PDE1C: variants seen among roughly 807,000 people sequenced by gnomAD.
PDE1C encodes the protein phosphodiesterase 1C.
Under a neutral mutation model 93.1 loss-of-function variants are expected in PDE1C, and 62 were observed. The observed-to-expected ratio is 0.67, with a 90% CI of 0.54 to 0.82. The LOEUF (loss-of-function observed/expected upper bound fraction) is 0.82, where lower values mean the gene tolerates loss of function less well. Among genes scored for constraint, PDE1C ranks in the 40% least tolerant of loss-of-function variants. PDE1C has a pLI of 0.00. For synonymous variants in PDE1C, 325 were observed against 310.1 expected, an observed-to-expected ratio of 1.05 and a Z score of -0.50; for missense variants, 742 against 884.6, an observed-to-expected ratio of 0.84 and a Z score of 2.04.
chr7:32,304,968 G>A (rs1812963103), intron 1 of PDE1C, among the ~76,000 whole-genome samples: 1 of 152,000 alleles, frequency 6.6e-6, no homozygotes, highest in Non-Finnish European at 1.5e-5. Context: ...CCATAATCAG[G>A]GGCAAGAGGA....
intron 2 of PDE1C, among the ~76,000 whole-genome samples, chr7:31,911,705 C>T (rs1801270532): frequency 6.6e-6 from 1 of 152,128 alleles, no homozygotes; most frequent in Admixed American, 6.6e-5. Context: ...ACTGTCACCA[C>T]CATCCTATGA....
Position 31,996,066 on chromosome 7 carries a change from G to GACACAC in PDE1C, c.128+55482_128+55487dup, listed in dbSNP as rs3078631. Reference sequence around the variant, plus strand: ...AACCATCTGTCTCTTTACGCTTCCGGACACACACACACACACACACACACA... The same window carrying GACACAC: ...AACCATCTGTCTCTTTACGCTTCCGGACACACACACACACACACACACACACACACA... On this transcript the variant is annotated intron_variant, in intron 2 of 17. Transcript: ENST00000396191. 6.6e-3 allele frequency among the ~76,000 whole-genome samples: 920 copies of GACACAC among 138,618 alleles called. 5 individuals are homozygous for GACACAC. Among genetic ancestry groups the GACACAC allele is most frequent in the Admixed American group, 0.012 (162 of 13,818 alleles). The allele number at this position is 138,618 out of a possible 152,430, so 90.9% of individuals were successfully genotyped here.
At chr7:31,999,287 T>C (rs1263813655) in intron 2 of PDE1C, among the ~76,000 whole-genome samples, 3 of 152,164 alleles carry the variant, frequency 2.0e-5, no homozygotes. Flanking sequence ...AGAATCAAAA[T>C]GCAGATACAT....
intron 3 of PDE1C, among the ~76,000 whole-genome samples, chr7:32,158,860 C>G (rs755062363): frequency 5.9e-5 from 9 of 152,206 alleles, no homozygotes; most frequent in Admixed American, 5.2e-4. Context: ...AAACAAGGCC[C>G]TACATTACAT....
intron 2 of PDE1C, among the ~76,000 whole-genome samples, chr7:31,908,731 T>A (rs1163311967): frequency 6.6e-6 from 1 of 152,188 alleles, no homozygotes; most frequent in Non-Finnish European, 1.5e-5. Flanking sequence ...GGCACTCGAC[T>A]CAAACATTGC....
intron 15 of PDE1C, among the ~76,000 whole-genome samples, chr7:31,814,908 G>A (rs1027705404): frequency 6.6e-6 from 1 of 151,894 alleles, no homozygotes; most frequent in East Asian, 1.9e-4. Context: ...TCTGTTGACT[G>A]CTAAATTACC....
chr7:32,162,593 C>G (rs904504724), intron 3 of PDE1C, among the ~76,000 whole-genome samples: 1 of 152,082 alleles, frequency 6.6e-6, no homozygotes, highest in Non-Finnish European at 1.5e-5. Flanking sequence ...TCAGCAAGGC[C>G]GTTAGTGAGT....
Position 32,006,851 on chromosome 7 carries a change from G to A in PDE1C, c.128+44703C>T, listed in dbSNP as rs541052416. 7.2e-5 allele frequency among the ~76,000 whole-genome samples: 11 copies of A among 152,292 alleles called. No homozygotes were observed. In the East Asian group the frequency reaches 2.1e-3, roughly 29 times the overall value. On this transcript the variant is annotated intron_variant, in intron 2 of 17. Coordinates refer to ENST00000396191, the MANE Select transcript of PDE1C (RefSeq NM_001191057.4). ...TGATGCAAAGTGCTCCATCTATGGA[G>A]TCACCCAAGGCAGGTCTAAATCTTG...
intron 2 of PDE1C, among the ~76,000 whole-genome samples, chr7:32,018,742 AAACTTT>A (rs1788251622): frequency 6.6e-6 from 1 of 152,158 alleles, no homozygotes; most frequent in Non-Finnish European, 1.5e-5. Flanking sequence ...TTTTAAACTT[AAACTTT>A]GAGAATGGTT....
intron 4 of PDE1C, 115 bp from the exon 5 acceptor site, chr7:31,878,151 G>A (rs1196577221): frequency 1.6e-6 from 1 of 642,716 alleles, no homozygotes; most frequent in African/African-American, 1.9e-5. Flanking sequence ...GTGATCCAAA[G>A]AACCTAAAAT....
chr7:31,833,335 TA>T (rs1437856583), intron 11 of PDE1C, among the ~76,000 whole-genome samples: 1 of 152,190 alleles, frequency 6.6e-6, no homozygotes, highest in Non-Finnish European at 1.5e-5. Flanking sequence ...GAAAATGAAC[TA>T]ATACAGTAAA....
the PDE1C span, among the ~76,000 whole-genome samples, chr7:31,726,820 G>A: frequency 2.9e-4 from 44 of 152,126 alleles, no homozygotes; most frequent in Admixed American, 2.6e-3. Flanking sequence ...ATCACCTGAG[G>A]TCAGGAGTTC....
intron 1 of PDE1C, among the ~76,000 whole-genome samples, chr7:32,419,212 C>T (rs966878890): frequency 1.3e-5 from 2 of 152,104 alleles, no homozygotes; most frequent in Non-Finnish European, 2.9e-5. Context: ...TACAGGGGAA[C>T]AAAGCTTGGA....
At chr7:32,374,599 C>A (rs1372696395) in intron 1 of PDE1C, among the ~76,000 whole-genome samples, 1 of 152,210 alleles carries the variant, frequency 6.6e-6, no homozygotes, top group Non-Finnish European at 1.5e-5. Context: ...CTAAAGTCAC[C>A]CAACCTTCTC....
intron 11 of PDE1C, among the ~76,000 whole-genome samples, chr7:31,828,857 C>T (rs760396675): frequency 2.0e-4 from 31 of 152,162 alleles, no homozygotes; most frequent in Non-Finnish European, 4.0e-4. Context: ...GGAGCAAGTG[C>T]TTCTGGGTTT....
chr7:31,776,455 C>A (rs560828454), intron 16 of PDE1C, among the ~76,000 whole-genome samples: 1 of 152,058 alleles, frequency 6.6e-6, no homozygotes, highest in Admixed American at 6.5e-5. Flanking sequence ...TTCTAATAAA[C>A]CCTTTAATGG....
intron 3 of PDE1C, among the ~76,000 whole-genome samples, chr7:32,082,326 G>A (rs1342584479): frequency 2.8e-4 from 43 of 152,324 alleles, no homozygotes; most frequent in African/African-American, 1.0e-3. Flanking sequence ...GCCCGCCATT[G>A]CCCAGGCTTG....
Position 31,865,025 on chromosome 7 carries a change from G to C in PDE1C, c.667C>G (p.His223Asp). ...VEALEVGYSK[H>D]KNPYHNLMHA... ...ATTAAGTTATGGTAAGGATTTTTGT[G>C]CTTGCTGTATCCCACTTCCAGGGCC... is the stretch of plus-strand genomic sequence containing the variant. Residue 223 changes from histidine to aspartate, a missense_variant, in exon 7 of 18, where the codon CAC becomes GAC. Physicochemically the swap from His to Asp is moderately conservative, Grantham distance 81. This residue lies in a region of PDE1C where 205 missense variants were observed against 295.3 expected (regional missense o/e 0.69). Coordinates refer to ENST00000396191, the MANE Select transcript of PDE1C (RefSeq NM_001191057.4). 6.2e-7 allele frequency: 1 copy of C among 1,614,074 alleles called. No homozygotes were observed. Among genetic ancestry groups the C allele is most frequent in the East Asian group, 2.2e-5 (1 of 44,860 alleles).
At chr7:32,425,417 G>A (rs1785507387) in intron 1 of PDE1C, among the ~76,000 whole-genome samples, 1 of 151,996 alleles carries the variant, frequency 6.6e-6, no homozygotes, top group Non-Finnish European at 1.5e-5. Flanking sequence ...GAATAATTTT[G>A]CATAAGTATC....
Sources: gnomAD v4.1 joint callset for allele counts (sites outside exome capture counted in the v4.1 genomes callset) on GRCh38, gnomAD v4.1.1 for gene constraint, gnomAD v4.1.1 regional missense constraint, MANE v1.5 for transcripts, NCBI Gene and HGNC (gene_info 2026-07-23, HGNC 2026-07-21) for gene names.